Variants in MYRFL observed in about 807,000 individuals in gnomAD.
The protein encoded by MYRFL is myelin regulatory factor like, also known as myelin regulatory factor-like protein.
MYRFL carries 88 observed loss-of-function variants against 109.4 expected under a neutral mutation model. The ratio of observed to expected loss-of-function variants is 0.80; its 90% CI spans 0.68 to 0.96. The LOEUF is 0.96. Ranked by LOEUF, MYRFL falls within the 40% of genes least tolerant of loss-of-function variation. The pLI is 0.00. For missense variants in MYRFL, 957 were observed against 954.9 expected, an observed-to-expected ratio of 1.00 and a Z score of -0.03; for synonymous variants, 324 against 320.9, an observed-to-expected ratio of 1.01 and a Z score of -0.10.
chr12:69,863,429 C>T (rs1281614655), intron 2 of MYRFL, among the ~76,000 whole-genome samples: 1 of 152,058 alleles, frequency 6.6e-6, no homozygotes, highest in Non-Finnish European at 1.5e-5. Context: ...AATTTCAGAG[C>T]CTGTTATTGA....
At chr12:69,894,985 G>A (rs1953939973) in intron 8 of MYRFL, among the ~76,000 whole-genome samples, 1 of 152,186 alleles carries the variant, frequency 6.6e-6, no homozygotes, top group South Asian at 2.1e-4. Context: ...GGATGCAAAG[G>A]CATTCATGCT....
intron 2 of MYRFL, among the ~76,000 whole-genome samples, chr12:69,871,720 A>G (rs1363283148): frequency 6.6e-6 from 1 of 152,082 alleles, no homozygotes; most frequent in Non-Finnish European, 1.5e-5. Flanking sequence ...AGTTATGTCA[A>G]TATCCAGGGC....
chr12:69,852,579 A>ATTTTTTT (rs61145700), intron 1 of MYRFL, among the ~76,000 whole-genome samples: 15 of 112,180 alleles, frequency 1.3e-4, no homozygotes, highest in East Asian at 4.9e-4. Context: ...TTAATTTTTA[A>ATTTTTTT]TTTTTTTTTT....
chr12:69,932,882 T>TG lies in MYRFL; in HGVS notation c.1916+284_1916+285insG, dbSNP rs61508728. On this transcript the variant is annotated intron_variant, in intron 16 of 24. Coordinates refer to ENST00000552032, the MANE Select transcript of MYRFL (RefSeq NM_182530.3). ...CCTTTCGTGTGTGTGTGTGTGTGTG[T>TG]TTGTGTGTGTGTGTGTGTATGTGTG... Among the ~76,000 whole-genome samples, 311 of 148,934 alleles carry TG rather than the reference T, an allele frequency of 2.1e-3. 3 individuals are homozygous for TG. The highest frequency in any genetic ancestry group is 3.3e-3 in the Admixed American group (49 of 14,802).
chr12:69,945,986 CAAAAAAAAAA>C (rs56988555), intron 19 of MYRFL, among the ~76,000 whole-genome samples: 14 of 42,344 alleles, frequency 3.3e-4, no homozygotes, highest in South Asian at 2.7e-3. Flanking sequence ...GACTCCGTCT[CAAAAAAAAAA>C]AAAAAAAAAA....
chr12:69,930,343 T>C (rs1955229374), intron 15 of MYRFL, among the ~76,000 whole-genome samples: 1 of 152,184 alleles, frequency 6.6e-6, no homozygotes, highest in Non-Finnish European at 1.5e-5. Context: ...TGGAGGAAGA[T>C]TGAAGTCTCC....
intron 15 of MYRFL, among the ~76,000 whole-genome samples, chr12:69,931,885 T>G (rs1425450131): frequency 1.3e-5 from 2 of 152,222 alleles, no homozygotes; most frequent in African/African-American, 4.8e-5. Flanking sequence ...GACTATAATT[T>G]ACTGATTTTC....
chr12:69,953,601 T>C (rs1192938854), intron 21 of MYRFL, among the ~76,000 whole-genome samples: 1 of 149,152 alleles, frequency 6.7e-6, no homozygotes, highest in Non-Finnish European at 1.5e-5. Flanking sequence ...AGATCCTGTC[T>C]CTCCAAACAA....
chr12:69,909,248 C>G (rs1394142628), intron 11 of MYRFL, among the ~76,000 whole-genome samples: 1 of 152,214 alleles, frequency 6.6e-6, no homozygotes, highest in Admixed American at 6.5e-5. Flanking sequence ...TACCATCTTT[C>G]ACAACCAGTC....
chr12:69,958,496 G>A lies in MYRFL; in HGVS notation c.2698G>A (p.Asp900Asn), dbSNP rs886451774. Reference sequence around the variant, plus strand: ...TTATTTTGCTGGGATATTCTTCACCGATTACTTCTTTTACTTCTATCGACG... The same window carrying A: ...TTATTTTGCTGGGATATTCTTCACCAATTACTTCTTTTACTTCTATCGACG... ...DPYFAGIFFT[D>N]YFFYFYRRCA Residue 900 changes from aspartate to asparagine, a missense_variant, in exon 25 of 25, where the codon GAT becomes AAT. By Grantham distance (23) the Asp-to-Asn change is conservative. Transcript: ENST00000552032. The A allele has an allele frequency of 2.9e-5, 44 of 1,534,474 alleles. No homozygotes were observed. The highest frequency in any genetic ancestry group is 1.7e-4 in the Middle Eastern group (1 of 5,980).
At chr12:69,866,610 C>G (rs1395016361) in intron 2 of MYRFL, among the ~76,000 whole-genome samples, 1 of 152,152 alleles carries the variant, frequency 6.6e-6, no homozygotes, top group African/African-American at 2.4e-5. Context: ...GTTACTTCCC[C>G]TCTACCATAT....
At position 69,952,850 on chromosome 12, in the gene MYRFL, T is replaced by C; in HGVS notation, c.2339T>C (p.Ile780Thr). ...SIQIMEIQQI[I>T]DHQYCIQSLQ... ...CAGATTATGGAAATCCAGCAAATAA[T>C]AGATCATCAGTATTGCATTCAAAGC... The change falls in exon 21 of 25, where the codon ATA becomes ACA. Residue 780 changes from isoleucine (I) to threonine (T), a missense_variant. Physicochemically the swap from Ile to Thr is moderately conservative, Grantham distance 89. Coordinates refer to ENST00000552032, the MANE Select transcript of MYRFL (RefSeq NM_182530.3). 6.5e-7 allele frequency: 1 copy of C among 1,535,778 alleles called. No individual in the cohort carries two copies. The highest frequency in any genetic ancestry group is 8.7e-7 in the Non-Finnish European group (1 of 1,146,636).
At chr12:69,838,047 G>A (rs1883051004) in intron 1 of MYRFL, among the ~76,000 whole-genome samples, 1 of 152,110 alleles carries the variant, frequency 6.6e-6, no homozygotes, top group Non-Finnish European at 1.5e-5. Flanking sequence ...TCCTGCAACT[G>A]GCTAAAGACT....
intron 9 of MYRFL, among the ~76,000 whole-genome samples, chr12:69,895,840 T>C (rs181579346): frequency 1.3e-5 from 2 of 152,348 alleles, no homozygotes; most frequent in Non-Finnish European, 1.5e-5. Flanking sequence ...CTTGAAGTTC[T>C]GCTATGACCT....
intron 2 of MYRFL, among the ~76,000 whole-genome samples, chr12:69,869,074 C>T (rs150357704): frequency 6.6e-6 from 1 of 152,306 alleles, no homozygotes; most frequent in Non-Finnish European, 1.5e-5. Context: ...AAAGATAAAT[C>T]ATATACATGA....
At chr12:69,956,923 A>T (rs1158138899) in intron 22 of MYRFL, among the ~76,000 whole-genome samples, 1 of 152,208 alleles carries the variant, frequency 6.6e-6, no homozygotes, top group African/African-American at 2.4e-5. Context: ...TCTAGCTTTT[A>T]GTGGAAGGAA....
At chr12:69,875,283 A>T (rs905321381) in intron 2 of MYRFL, among the ~76,000 whole-genome samples, 20 of 151,128 alleles carry the variant, frequency 1.3e-4, no homozygotes, top group African/African-American at 4.1e-4. Context: ...TAATTTTTTT[A>T]AATTTTTATT....
intron 13 of MYRFL, among the ~76,000 whole-genome samples, chr12:69,915,194 A>C (rs1484083212): frequency 6.6e-6 from 1 of 152,032 alleles, no homozygotes; most frequent in Non-Finnish European, 1.5e-5. Context: ...GCTTTCCTGG[A>C]CTTTTACCTA....
At chr12:69,918,989 G>A (rs1373368507) in intron 13 of MYRFL, among the ~76,000 whole-genome samples, 1 of 152,020 alleles carries the variant, frequency 6.6e-6, no homozygotes, top group East Asian at 1.9e-4. Flanking sequence ...ATTTATTTGT[G>A]GTTTACTTGC....
Sources: gnomAD v4.1 joint callset for allele counts (sites outside exome capture counted in the v4.1 genomes callset) on GRCh38, gnomAD v4.1.1 for gene constraint, MANE v1.5 for transcripts, NCBI Gene and HGNC (gene_info 2026-07-23, HGNC 2026-07-21) for gene names.